ZNF670: variants seen among roughly 807,000 people sequenced by gnomAD.
ZNF670 encodes zinc finger protein 670.
A neutral mutation model predicts 10.9 loss-of-function variants in ZNF670; 7 were observed. The observed-to-expected ratio is 0.64, with a 90% CI of 0.36 to 1.20. ZNF670 has a LOEUF of 1.20. ZNF670 is among the 50% of genes most tolerant of loss of function. The pLI is 0.02. For missense variants in ZNF670, 446 were observed against 458.6 expected (o/e 0.97, Z 0.25); for synonymous variants, 136 against 152.7 (o/e 0.89, Z 0.81).
intron 1 of ZNF670, among the ~76,000 whole-genome samples, chr1:247,075,369 ACTTG>A (rs960314658): frequency 6.6e-6 from 1 of 152,206 alleles, no homozygotes; most frequent in African/African-American, 2.4e-5. Context: ...TATCTACAAC[ACTTG>A]CTTGTGGAAA....
chr1:247,036,882 A>ACACCCC lies in ZNF670; in HGVS notation c.*566_*567insGGGGTG, dbSNP rs1384963053. Reference sequence around the variant, plus strand: ...ATAAAAAGGTAGAATACACACACACACACACACACACACACACACACATGA... The same window carrying ACACCCC: ...ATAAAAAGGTAGAATACACACACACACACCCCCACACACACACACACACACACATGA... On this transcript the variant is annotated 3_prime_UTR_variant, in exon 4 of 4. Coordinates refer to ENST00000366503, the MANE Select transcript of ZNF670 (RefSeq NM_033213.5). 2 of 151,370 alleles carry ACACCCC rather than the reference A, an allele frequency of 1.3e-5. No individual in the cohort carries two copies. The highest frequency in any genetic ancestry group is 4.8e-5 in the African/African-American group (2 of 41,238). The allele number at this position is 151,370 out of a possible 1,614,324, so 9.4% of individuals were successfully genotyped here.
chr1:247,055,230 A>G (rs550075266), intron 1 of ZNF670, among the ~76,000 whole-genome samples: 1 of 152,350 alleles, frequency 6.6e-6, no homozygotes, highest in African/African-American at 2.4e-5. Flanking sequence ...GGGCACGTAC[A>G]TGGTGGGCTC....
Position 247,038,289 on chromosome 1 carries a change from T to A in ZNF670, c.330A>T (p.Lys110Asn). 1 of 1,614,202 alleles carries A rather than the reference T, an allele frequency of 6.2e-7. No individual in the cohort carries two copies. The highest frequency in any genetic ancestry group is 1.1e-5 in the South Asian group (1 of 91,084). The change falls in exon 4 of 4, where the codon AAA (lysine) becomes AAT (asparagine). Residue 110 changes from lysine to asparagine, a missense_variant. Coordinates refer to ENST00000366503, the MANE Select transcript of ZNF670 (RefSeq NM_033213.5). ...GAAGGGCTGAATGACATATGAAGAC[T>A]TTTCCACACACACTGCATTCACATG... ...VKPCECSVCG[K>N]VFICHSALHR... is the part of the protein sequence containing the mutation.
rs763666416 is a variant in ZNF670, at chr1:247,037,528, G to C, written c.1091C>G (p.Pro364Arg). Residue 364 changes from proline (P) to arginine (R), a missense_variant, in exon 4 of 4, where the codon CCC becomes CGC. Pro to Arg is a moderately radical substitution (Grantham distance 103, BLOSUM62 -2). Transcript: ENST00000366503. ...SHERTHTGEK[P>R]YECKKCGKAF... ...TTTACCACATTTCTTACATTCATAGGGTTTTTCTCCAGTATGAGTCCTTTC... is the reference window on the plus strand; with the variant it reads ...TTTACCACATTTCTTACATTCATAGCGTTTTTCTCCAGTATGAGTCCTTTC... 3.7e-6 allele frequency: 6 copies of C among 1,614,094 alleles called. No individual in the cohort carries two copies. The highest frequency in any genetic ancestry group is 5.1e-6 in the Non-Finnish European group (6 of 1,179,984).
chr1:247,045,405 G>A (rs986536202), intron 1 of ZNF670, among the ~76,000 whole-genome samples: 17 of 152,158 alleles, frequency 1.1e-4, no homozygotes, highest in Admixed American at 2.6e-4. Flanking sequence ...TGCTGTCCTT[G>A]AAGTAATGAG....
intron 1 of ZNF670, among the ~76,000 whole-genome samples, chr1:247,046,466 G>T (rs959620172): frequency 2.6e-4 from 39 of 152,198 alleles, no homozygotes; most frequent in Non-Finnish European, 4.7e-4. Flanking sequence ...TTGGGCCACG[G>T]TTCCAGAGGG....
In ZNF670 at chr1:247,037,604, A is replaced by T. The variant is rs375731131; in HGVS notation, c.1015T>A (p.Cys339Ser). The change falls in exon 4 of 4, where the codon TGT (cysteine) becomes AGT (serine). Residue 339 changes from cysteine to serine, a missense_variant. Coordinates refer to ENST00000366503, the MANE Select transcript of ZNF670 (RefSeq NM_033213.5). ...GTAAACGACTTACCACATTCCTTAC[A>T]TCCATAAGGTTTCACTCCAGTGTGA... is the stretch of plus-strand genomic sequence containing the variant. ...RTHTGVKPYGCKECGKSFTSS... is the reference protein window; with the variant it reads ...RTHTGVKPYGSKECGKSFTSS... 6.2e-7 allele frequency: 1 copy of T among 1,613,934 alleles called. No individual in the cohort carries two copies. The highest frequency in any genetic ancestry group is 8.5e-7 in the Non-Finnish European group (1 of 1,180,010).
chr1:247,046,518 C>G (rs1670452569), intron 1 of ZNF670, among the ~76,000 whole-genome samples: 1 of 152,214 alleles, frequency 6.6e-6, no homozygotes, highest in Non-Finnish European at 1.5e-5. Context: ...AGTGTTAAGC[C>G]TGCAGGTGCA....
intron 1 of ZNF670, chr1:247,043,693 A>G: frequency 2.1e-6 from 1 of 478,264 alleles, no homozygotes; most frequent in East Asian, 5.2e-5. Flanking sequence ...ATGGGGTATC[A>G]ATGTCAACAA....
intron 1 of ZNF670, among the ~76,000 whole-genome samples, chr1:247,068,606 C>T (rs1313315860): frequency 6.7e-6 from 1 of 150,366 alleles, no homozygotes; most frequent in African/African-American, 2.5e-5. Flanking sequence ...TTTGGAGATT[C>T]CTCAAAGGAC....
intron 1 of ZNF670, among the ~76,000 whole-genome samples, chr1:247,046,110 T>C (rs78999225): frequency 6.1e-4 from 93 of 152,142 alleles, no homozygotes; most frequent in African/African-American, 2.0e-3. Flanking sequence ...TGATTTAAAG[T>C]TGAAACATGA....
intron 1 of ZNF670, among the ~76,000 whole-genome samples, chr1:247,060,173 T>C (rs77152776): frequency 0.011 from 1,666 of 152,256 alleles, 39 homozygotes; most frequent in African/African-American, 0.037. Flanking sequence ...CAGATGGTAA[T>C]ACAATATTGA....
intron 3 of ZNF670, 138 bp downstream of exon 3, chr1:247,038,672 T>G: frequency 1.4e-6 from 1 of 740,734 alleles, no homozygotes; most frequent in Non-Finnish European, 2.2e-6. Flanking sequence ...CAATGTTACA[T>G]TCAGGTGTAT....
chr1:247,068,163 C>T (rs544543769), intron 1 of ZNF670, among the ~76,000 whole-genome samples: 1 of 149,780 alleles, frequency 6.7e-6, no homozygotes, highest in Non-Finnish European at 1.5e-5. Flanking sequence ...ACTAAAGATA[C>T]AAAAATTGGC....
intron 1 of ZNF670, among the ~76,000 whole-genome samples, chr1:247,067,190 C>A (rs1181914120): frequency 1.3e-5 from 2 of 151,956 alleles, no homozygotes; most frequent in Admixed American, 1.3e-4. Flanking sequence ...AATCCTAGCA[C>A]GTTGGGAAGC....
intron 1 of ZNF670, among the ~76,000 whole-genome samples, chr1:247,076,602 C>T (rs1671260209): frequency 1.3e-5 from 2 of 151,708 alleles, no homozygotes; most frequent in Non-Finnish European, 2.9e-5. Flanking sequence ...CTTTAACATG[C>T]TTGCAGCTCT....
chr1:247,071,828 T>C (rs984109362), intron 1 of ZNF670, among the ~76,000 whole-genome samples: 1 of 152,154 alleles, frequency 6.6e-6, no homozygotes, highest in Non-Finnish European at 1.5e-5. Context: ...TGCTAAATAT[T>C]TGTATTTCCT....
At position 247,039,953 on chromosome 1, in the gene ZNF670, G is replaced by A. The variant is rs1046768955; in HGVS notation, c.4-416C>T. Among the ~76,000 whole-genome samples, 4 of 152,230 alleles carry A rather than the reference G, an allele frequency of 2.6e-5. No homozygotes were observed. In the East Asian group the frequency reaches 7.7e-4, roughly 29 times the overall value. On this transcript the variant is annotated intron_variant, in intron 1 of 3. Transcript: ENST00000366503. ...TGCTCACAAAGTCTGACCTTTTGGTGTGAGAAAATAGATTTTTTTGACGGA... is the reference window on the plus strand; with the variant it reads ...TGCTCACAAAGTCTGACCTTTTGGTATGAGAAAATAGATTTTTTTGACGGA...
intron 2 of ZNF670, 112 bp downstream of exon 2, chr1:247,039,299 G>T: frequency 8.1e-7 from 1 of 1,240,580 alleles, no homozygotes; most frequent in Non-Finnish European, 1.1e-6. Flanking sequence ...GACCTCAGGC[G>T]ATTCACCCGC....
Sources: allele counts gnomAD v4.1 joint callset (sites outside exome capture counted in the v4.1 genomes callset), GRCh38; gene constraint gnomAD v4.1.1; transcripts MANE v1.5; gene names NCBI Gene and HGNC (gene_info 2026-07-23, HGNC 2026-07-21).